DRC2: variants seen among roughly 807,000 people sequenced by gnomAD.
DRC2 encodes the protein coiled-coil domain containing 65.
the DRC2 span, among the ~76,000 whole-genome samples, chr12:48,906,055 G>A: frequency 6.6e-6 from 1 of 152,162 alleles, no homozygotes; most frequent in Non-Finnish European, 1.5e-5. Context: ...ACAGGCGTGA[G>A]CCACTGCACC....
the DRC2 span, among the ~76,000 whole-genome samples, chr12:48,916,752 T>C: frequency 6.6e-6 from 1 of 152,178 alleles, no homozygotes; most frequent in African/African-American, 2.4e-5. Flanking sequence ...TTGTACTTTT[T>C]TTGTATCACA....
At chr12:48,904,417 AGAG>A in the DRC2 span, 2 of 1,614,092 alleles carry the variant, frequency 1.2e-6, no homozygotes, top group African/African-American at 1.3e-5. Context: ...AGTTGCTGGC[AGAG>A]GAGGAGATGG....
the DRC2 span, chr12:48,918,494 TACTC>T: frequency 1.5e-5 from 24 of 1,609,800 alleles, no homozygotes; most frequent in Non-Finnish European, 1.3e-5. Flanking sequence ...CACCTGGAAA[TACTC>T]ACTGCTTTAA....
At chr12:48,917,411 C>G in the DRC2 span, among the ~76,000 whole-genome samples, 371 of 151,924 alleles carry the variant, frequency 2.4e-3, 1 homozygote, top group African/African-American at 8.7e-3. Flanking sequence ...CTGTAGTGAA[C>G]TGTGATAGCA....
At chr12:48,920,441 T>TTTTTAAAA in the DRC2 span, among the ~76,000 whole-genome samples, 197 of 67,812 alleles carry the variant, frequency 2.9e-3, 7 homozygotes, top group Non-Finnish European at 4.4e-3. Context: ...AACTCCATCT[T>TTTTTAAAA]AAAAAAAAAA....
the DRC2 span, among the ~76,000 whole-genome samples, chr12:48,917,430 C>G: frequency 1.3e-5 from 2 of 151,900 alleles, no homozygotes; most frequent in African/African-American, 4.8e-5. Context: ...CAACACTGCC[C>G]TCCAGCCTGG....
chr12:48,913,174 A>AT, the DRC2 span, among the ~76,000 whole-genome samples: 1 of 149,002 alleles, frequency 6.7e-6, no homozygotes, highest in Non-Finnish European at 1.5e-5. Flanking sequence ...GGTTCAACTT[A>AT]TTTTCTGCAT....
At chr12:48,917,034 G>A in the DRC2 span, 2 of 1,613,998 alleles carry the variant, frequency 1.2e-6, no homozygotes, top group South Asian at 1.1e-5. Context: ...CATGGCCATG[G>A]AGCAGAACTA....
chr12:48,918,836 A>G, the DRC2 span: 8 of 1,614,186 alleles, frequency 5.0e-6, no homozygotes, highest in Non-Finnish European at 6.8e-6. Flanking sequence ...GCATCCCAGA[A>G]GAACTTAGTC....
chr12:48,910,091 C>T, the DRC2 span, among the ~76,000 whole-genome samples: 6 of 152,200 alleles, frequency 3.9e-5, no homozygotes, highest in East Asian at 1.2e-3. Context: ...TCCTGGCAAA[C>T]TTTCATTCCT....
At chr12:48,917,689 G>A in the DRC2 span, among the ~76,000 whole-genome samples, 2 of 152,154 alleles carry the variant, frequency 1.3e-5, no homozygotes, top group Admixed American at 1.3e-4. Context: ...CTTCACCCCT[G>A]TGATTTTCAG....
chr12:48,909,432 A>AT, the DRC2 span, among the ~76,000 whole-genome samples: 1 of 151,982 alleles, frequency 6.6e-6, no homozygotes, highest in Admixed American at 6.6e-5. Context: ...TCTCATCTCC[A>AT]TTTCTTCTCC....
At chr12:48,914,556 G>A in the DRC2 span, 1 of 1,614,032 alleles carries the variant, frequency 6.2e-7, no homozygotes, top group Non-Finnish European at 8.5e-7. Context: ...CCCTAACCAA[G>A]GAGTTTGAGA....
At chr12:48,917,917 G>C in the DRC2 span, among the ~76,000 whole-genome samples, 1 of 152,148 alleles carries the variant, frequency 6.6e-6, no homozygotes, top group African/African-American at 2.4e-5. Flanking sequence ...TTTTGAATAA[G>C]CATCCTACAC....
At chr12:48,910,434 A>T in the DRC2 span, among the ~76,000 whole-genome samples, 1 of 152,232 alleles carries the variant, frequency 6.6e-6, no homozygotes, top group Non-Finnish European at 1.5e-5. Flanking sequence ...CATTGTAAAC[A>T]TATAAGGTAA....
chr12:48,916,177 TC>T, the DRC2 span, among the ~76,000 whole-genome samples: 11 of 151,304 alleles, frequency 7.3e-5, no homozygotes, highest in Admixed American at 7.2e-4. Flanking sequence ...GCAGAGACGC[TC>T]CTCACTTCCC....
the DRC2 span, chr12:48,920,899 C>T: frequency 6.3e-7 from 1 of 1,582,890 alleles, no homozygotes; most frequent in African/African-American, 1.4e-5. Context: ...ACTCCCTTTC[C>T]TAATATAAAC....
At chr12:48,908,485 A>T in the DRC2 span, among the ~76,000 whole-genome samples, 2 of 152,006 alleles carry the variant, frequency 1.3e-5, no homozygotes, top group South Asian at 4.1e-4. Flanking sequence ...CCTGGGCATC[A>T]TCTCTAACCT....
the DRC2 span, among the ~76,000 whole-genome samples, chr12:48,919,944 G>A: frequency 6.6e-6 from 1 of 151,442 alleles, no homozygotes; most frequent in Non-Finnish European, 1.5e-5. Flanking sequence ...AACACAGGGA[G>A]AGCCCATCTC....
Sources: allele counts gnomAD v4.1 joint callset (sites outside exome capture counted in the v4.1 genomes callset), GRCh38; gene constraint gnomAD v4.1.1; transcripts MANE v1.5; gene names NCBI Gene and HGNC (gene_info 2026-07-23, HGNC 2026-07-21).